CNTN6: variants seen among roughly 807,000 people sequenced by gnomAD.
CNTN6 encodes contactin 6.
In CNTN6, 137 loss-of-function variants were observed where a neutral mutation model predicts 122.8. That is an observed-to-expected ratio of 1.12 (90% CI 0.97 to 1.29). The LOEUF (loss-of-function observed/expected upper bound fraction) is 1.29, where lower values mean the gene tolerates loss of function less well. Among genes scored for constraint, CNTN6 ranks in the 50% most tolerant of loss-of-function variants. The probability of loss-of-function intolerance (pLI) is 0.00; values close to 1 mark genes in which losing one functional copy is unlikely to be tolerated. For missense variants in CNTN6, 1,634 were observed against 1,223.4 expected, an observed-to-expected ratio of 1.34 and a Z score of -5.01; for synonymous variants, 570 against 426.0, an observed-to-expected ratio of 1.34 and a Z score of -4.16.
intron 7 of CNTN6, among the ~76,000 whole-genome samples, chr3:1,305,878 C>G (rs560773999): frequency 1.3e-5 from 2 of 152,198 alleles, no homozygotes; most frequent in African/African-American, 4.8e-5. Context: ...AATCTGAAGT[C>G]TCACCATGAT....
At chr3:1,128,775 T>TC (rs2092251846) in intron 1 of CNTN6, among the ~76,000 whole-genome samples, 1 of 151,732 alleles carries the variant, frequency 6.6e-6, no homozygotes, top group African/African-American at 2.4e-5. Flanking sequence ...TTCTAAAGTT[T>TC]TTAAAAAAAT....
At chr3:1,342,255 G>A (rs1191680258) in intron 11 of CNTN6, among the ~76,000 whole-genome samples, 1 of 151,944 alleles carries the variant, frequency 6.6e-6, no homozygotes, top group East Asian at 1.9e-4. Flanking sequence ...TCAGCCTCTG[G>A]AATAGCTGGG....
intron 5 of CNTN6, among the ~76,000 whole-genome samples, chr3:1,286,503 C>T (rs1397695230): frequency 6.6e-6 from 1 of 152,086 alleles, no homozygotes; most frequent in African/African-American, 2.4e-5. Context: ...GAGCTTCATC[C>T]ATGTCCCTGC....
intron 12 of CNTN6, among the ~76,000 whole-genome samples, chr3:1,370,825 G>A (rs1708904589): frequency 6.6e-6 from 1 of 152,026 alleles, no homozygotes. Context: ...TCTAGCCTGG[G>A]TGACGGAGCG....
rs1207188504 is a variant in CNTN6 at position 1,220,632 on chromosome 3, G to A, written c.56-55G>A. 4 of 1,486,670 alleles carry A rather than the reference G, an allele frequency of 2.7e-6. No individual in the cohort carries two copies. The South Asian group carries it at 4.1e-5, about 15-fold the overall frequency. 92.1% of individuals were successfully genotyped at this position (1,486,670 alleles called of 1,614,324 possible). ...TTGAATTGATATTTAATATAGACTT[G>A]CATTCAAAACAGGGCCACTTTTTTT... On this transcript the variant is annotated intron_variant, in intron 2 of 22. Coordinates refer to ENST00000446702, the MANE Select transcript of CNTN6 (RefSeq NM_001289080.2).
intron 1 of CNTN6, among the ~76,000 whole-genome samples, chr3:1,102,841 C>T (rs2091001102): frequency 6.6e-6 from 1 of 150,478 alleles, no homozygotes; most frequent in South Asian, 2.1e-4. Flanking sequence ...GGAGCTGTGG[C>T]TCACGCCTGT....
intron 8 of CNTN6, among the ~76,000 whole-genome samples, chr3:1,324,648 A>T (rs1434751339): frequency 1.3e-5 from 2 of 149,612 alleles, no homozygotes; most frequent in Non-Finnish European, 2.9e-5. Flanking sequence ...TTGACATAAG[A>T]TGGAGAACAA....
At chr3:1,145,771 T>C (rs2092711700) in intron 1 of CNTN6, among the ~76,000 whole-genome samples, 1 of 152,148 alleles carries the variant, frequency 6.6e-6, no homozygotes, top group Non-Finnish European at 1.5e-5. Flanking sequence ...TGTCACTAGA[T>C]TGGAAATATT....
intron 3 of CNTN6, among the ~76,000 whole-genome samples, chr3:1,224,816 A>G (rs1377396478): frequency 6.6e-6 from 1 of 151,914 alleles, no homozygotes; most frequent in African/African-American, 2.4e-5. Flanking sequence ...TGCAATTTTG[A>G]CTCACTGCAA....
At chr3:1,354,967 A>C (rs1706316579) in intron 12 of CNTN6, among the ~76,000 whole-genome samples, 1 of 151,526 alleles carries the variant, frequency 6.6e-6, no homozygotes, top group Non-Finnish European at 1.5e-5. Flanking sequence ...TCGTGAAGAG[A>C]ATTCATTGTT....
At chr3:1,139,292 AT>A (rs1353246027) in intron 1 of CNTN6, among the ~76,000 whole-genome samples, 1 of 152,126 alleles carries the variant, frequency 6.6e-6, no homozygotes, top group Non-Finnish European at 1.5e-5. Flanking sequence ...GCATTCTGTT[AT>A]TGAATTCATT....
intron 4 of CNTN6, among the ~76,000 whole-genome samples, chr3:1,255,132 T>C (rs1406389988): frequency 6.6e-6 from 1 of 152,164 alleles, no homozygotes; most frequent in Non-Finnish European, 1.5e-5. Context: ...GATAGAAGGC[T>C]ACACAGCTAC....
intron 4 of CNTN6, among the ~76,000 whole-genome samples, chr3:1,244,905 G>A (rs377556005): frequency 0.055 from 8,248 of 149,510 alleles, 316 homozygotes; most frequent in East Asian, 0.14. Context: ...ACCTTCTTAA[G>A]GGTGGGGGAG....
intron 12 of CNTN6, among the ~76,000 whole-genome samples, chr3:1,358,541 T>A (rs1706958048): frequency 6.6e-6 from 1 of 151,740 alleles, no homozygotes; most frequent in Non-Finnish European, 1.5e-5. Flanking sequence ...AGTCTCTGGA[T>A]CCTGAATACT....
chr3:1,322,388 T>G (rs952543322), intron 8 of CNTN6, among the ~76,000 whole-genome samples: 8 of 151,722 alleles, frequency 5.3e-5, no homozygotes, highest in African/African-American at 1.9e-4. Context: ...ATATATTATC[T>G]AAAAGCTGTC....
chr3:1,354,555 T>C (rs1706237737), intron 12 of CNTN6, among the ~76,000 whole-genome samples: 1 of 151,202 alleles, frequency 6.6e-6, no homozygotes, highest in South Asian at 2.1e-4. Context: ...ATTATGGTTT[T>C]TTTTCTTGTC....
At chr3:1,236,443 C>A (rs567981820) in intron 4 of CNTN6, among the ~76,000 whole-genome samples, 1 of 152,020 alleles carries the variant, frequency 6.6e-6, no homozygotes, top group African/African-American at 2.4e-5. Flanking sequence ...TCAATCAGAG[C>A]CTGGTAGCTC....
chr3:1,263,887 G>A (rs994766208), intron 4 of CNTN6, among the ~76,000 whole-genome samples: 4 of 151,692 alleles, frequency 2.6e-5, no homozygotes, highest in African/African-American at 9.7e-5. Context: ...AGCCAAGGGA[G>A]GGTTCACTAT....
intron 1 of CNTN6, among the ~76,000 whole-genome samples, chr3:1,129,829 G>A (rs187760452): frequency 1.5e-4 from 23 of 151,856 alleles, no homozygotes; most frequent in East Asian, 9.7e-4. Context: ...TTGATTTCAC[G>A]TCTCAAGTCA....
Sources: gnomAD v4.1 joint callset for allele counts (sites outside exome capture counted in the v4.1 genomes callset) on GRCh38, gnomAD v4.1.1 for gene constraint, MANE v1.5 for transcripts, NCBI Gene and HGNC (gene_info 2026-07-23, HGNC 2026-07-21) for gene names.